GPHN: variants seen among roughly 807,000 people sequenced by gnomAD.
GPHN encodes gephyrin.
A neutral mutation model predicts 95.5 loss-of-function variants in GPHN; 17 were observed. The observed-to-expected ratio is 0.18, with a 90% CI of 0.12 to 0.27. GPHN has a LOEUF of 0.27. GPHN is among the 10% of genes least tolerant of loss of function. The pLI is 1.00. For missense variants in GPHN, 660 were observed against 978.1 expected, an observed-to-expected ratio of 0.67 and a Z score of 4.34; for synonymous variants, 320 against 322.5, an observed-to-expected ratio of 0.99 and a Z score of 0.08.
At chr14:67,330,756 G>A in the GPHN span, among the ~76,000 whole-genome samples, 503 of 152,114 alleles carry the variant, frequency 3.3e-3, 3 homozygotes, top group Non-Finnish European at 6.1e-3. Context: ...CCGGCACCCC[G>A]CTTCCTTGTT....
intron 11 of GPHN, among the ~76,000 whole-genome samples, chr14:67,059,634 G>A (rs2075745078): frequency 6.6e-6 from 1 of 152,102 alleles, no homozygotes. Context: ...TAGGATTAAG[G>A]TCTCAAGATT....
the GPHN span, among the ~76,000 whole-genome samples, chr14:67,719,667 G>A: frequency 3.4e-3 from 523 of 151,746 alleles, 3 homozygotes; most frequent in African/African-American, 0.012. Flanking sequence ...TTGTAGAGAC[G>A]GGGTCTCACT....
At chr14:67,371,977 T>A in the GPHN span, among the ~76,000 whole-genome samples, 1 of 152,298 alleles carries the variant, frequency 6.6e-6, no homozygotes, top group South Asian at 2.1e-4. Flanking sequence ...GTCATAACTT[T>A]ATGTTGGCTG....
chr14:67,714,085 T>C, the GPHN span, among the ~76,000 whole-genome samples: 1 of 152,170 alleles, frequency 6.6e-6, no homozygotes, highest in Admixed American at 6.5e-5. Flanking sequence ...CAGTAGCAAC[T>C]ATTAGATTTA....
the GPHN span, among the ~76,000 whole-genome samples, chr14:67,226,922 A>C: frequency 1.2e-4 from 18 of 152,332 alleles, no homozygotes; most frequent in African/African-American, 4.1e-4. Context: ...TGGCTCCTAC[A>C]TCCACCTAGA....
chr14:66,620,947 C>T (rs1292821459), intron 1 of GPHN, among the ~76,000 whole-genome samples: 1 of 152,112 alleles, frequency 6.6e-6, no homozygotes, highest in Non-Finnish European at 1.5e-5. Flanking sequence ...CATGCCAGTC[C>T]CAAATCCAGC....
the GPHN span, among the ~76,000 whole-genome samples, chr14:67,719,593 G>C: frequency 1.3e-5 from 2 of 152,024 alleles, no homozygotes; most frequent in Non-Finnish European, 2.9e-5. Flanking sequence ...TCCTGCCTCA[G>C]CCTCCCAAGT....
intron 10 of GPHN, among the ~76,000 whole-genome samples, chr14:67,050,778 C>T (rs925354090): frequency 1.3e-5 from 2 of 152,088 alleles, no homozygotes; most frequent in Non-Finnish European, 2.9e-5. Flanking sequence ...TTGAGGTATC[C>T]AGGTTCTCTC....
At chr14:66,688,415 T>C (rs550766709) in intron 2 of GPHN, among the ~76,000 whole-genome samples, 1 of 152,324 alleles carries the variant, frequency 6.6e-6, no homozygotes, top group South Asian at 2.1e-4. Context: ...TTCAAGTCTG[T>C]ATTGTTCAAG....
chr14:67,627,642 A>G, the GPHN span, among the ~76,000 whole-genome samples: 6 of 152,152 alleles, frequency 3.9e-5, no homozygotes, highest in Non-Finnish European at 2.9e-5. Flanking sequence ...ACACTCTTCT[A>G]TTAAACACTT....
At chr14:66,545,735 G>C (rs1292882052) in intron 1 of GPHN, among the ~76,000 whole-genome samples, 3 of 145,286 alleles carry the variant, frequency 2.1e-5, no homozygotes, top group Admixed American at 6.7e-5. Flanking sequence ...CGGGCGGGGG[G>C]CTGACCCCCC....
At chr14:66,610,231 A>G (rs373674575) in intron 1 of GPHN, among the ~76,000 whole-genome samples, 67 of 152,182 alleles carry the variant, frequency 4.4e-4, no homozygotes, top group Non-Finnish European at 5.9e-4. Context: ...TGGTCTGTCA[A>G]CCAGTAGATG....
chr14:66,694,125 T>A (rs2067967401), intron 2 of GPHN, among the ~76,000 whole-genome samples: 1 of 152,056 alleles, frequency 6.6e-6, no homozygotes, highest in African/African-American at 2.4e-5. Flanking sequence ...TGTGAGGGCG[T>A]TTGAAGGATG....
chr14:67,343,433 A>G, the GPHN span: 1 of 1,602,386 alleles, frequency 6.2e-7, no homozygotes. Context: ...AAGTAACAAA[A>G]GAAGTCTAAA....
rs140565537 is a variant in GPHN at position 66,913,059 on chromosome 14, G to A, written c.390-2944G>A. Among the ~76,000 whole-genome samples, 5 of 152,270 alleles carry A rather than the reference G, an allele frequency of 3.3e-5. 1 individual carries two copies. In the East Asian group the frequency reaches 9.7e-4, roughly 29 times the overall value. ...TTATCCAATATATCAGCAACAGAGA[G>A]GAGGGGATAAGGGTGGTATGGGACA... On this transcript the variant is annotated intron_variant, in intron 5 of 22. Transcript: ENST00000478722.
At chr14:67,561,218 AAAGAT>A in the GPHN span, among the ~76,000 whole-genome samples, 110 of 152,242 alleles carry the variant, frequency 7.2e-4, 1 homozygote, top group African/African-American at 2.5e-3. Flanking sequence ...ACCCTTGCTA[AAAGAT>A]ACTCAATAAA....
At chr14:66,982,252 A>G (rs2070728871) in intron 9 of GPHN, among the ~76,000 whole-genome samples, 1 of 152,176 alleles carries the variant, frequency 6.6e-6, no homozygotes, top group African/African-American at 2.4e-5. Flanking sequence ...CAGTGAGCTC[A>G]GTTTTGGGAA....
intron 3 of GPHN, among the ~76,000 whole-genome samples, chr14:66,783,236 T>C (rs2059666641): frequency 1.3e-5 from 2 of 152,182 alleles, no homozygotes; most frequent in Non-Finnish European, 2.9e-5. Flanking sequence ...CCCCCTGCCA[T>C]CCCACAGAAG....
the GPHN span, chr14:67,199,564 T>A: frequency 6.3e-7 from 1 of 1,598,116 alleles, no homozygotes; most frequent in South Asian, 1.1e-5. Flanking sequence ...AGTACCTCTG[T>A]AACCACCCTA....
Sources: allele counts gnomAD v4.1 joint callset (sites outside exome capture counted in the v4.1 genomes callset), GRCh38; gene constraint gnomAD v4.1.1; transcripts MANE v1.5; gene names NCBI Gene and HGNC (gene_info 2026-07-23, HGNC 2026-07-21).